PTPN4: variants seen among roughly 807,000 people sequenced by gnomAD.
PTPN4 encodes tyrosine-protein phosphatase non-receptor type 4.
Under a neutral mutation model 135.5 loss-of-function variants are expected in PTPN4, and 49 were observed. The ratio of observed to expected loss-of-function variants is 0.36; its 90% CI spans 0.29 to 0.46. The LOEUF is 0.46. Ranked by LOEUF, PTPN4 falls within the 20% of genes least tolerant of loss-of-function variation. The probability of loss-of-function intolerance (pLI) is 1.00; values close to 1 mark genes in which losing one functional copy is unlikely to be tolerated. For synonymous variants in PTPN4, 333 were observed against 369.9 expected, an observed-to-expected ratio of 0.90 and a Z score of 1.14; for missense variants, 860 against 1,101.0, an observed-to-expected ratio of 0.78 and a Z score of 3.10.
chr2:119,970,804 G>A (rs1393833036), intron 26 of PTPN4, among the ~76,000 whole-genome samples: 1 of 152,054 alleles, frequency 6.6e-6, no homozygotes, highest in Non-Finnish European at 1.5e-5. Flanking sequence ...ATTTATCTTG[G>A]GTATACCCAG....
intron 10 of PTPN4, among the ~76,000 whole-genome samples, chr2:119,905,049 A>AAAC (rs1553464400): frequency 2.1e-5 from 3 of 145,874 alleles, no homozygotes; most frequent in Admixed American, 6.8e-5. Flanking sequence ...AAAAAAAAAA[A>AAAC]CAAATAATCA....
rs750623632 is a variant in PTPN4 at position 119,984,722 on chromosome 2, G to T, written c.*7652G>T. Among the ~76,000 whole-genome samples, 7 of 152,200 alleles carry T rather than the reference G, an allele frequency of 4.6e-5. No individual in the cohort carries two copies. The highest frequency in any genetic ancestry group is 1.4e-4 in the African/African-American group (6 of 41,462). The stretch of plus-strand genomic sequence containing the variant: ...GCAAACAAGATAAAAATGCTGGTTT[G>T]CATTAATACTGTTTTAGTCTTAAGA... On this transcript the variant is annotated 3_prime_UTR_variant, in exon 27 of 27. Coordinates refer to ENST00000263708, the MANE Select transcript of PTPN4 (RefSeq NM_002830.4).
intron 26 of PTPN4, among the ~76,000 whole-genome samples, chr2:119,974,299 C>T (rs1357087170): frequency 3.3e-5 from 5 of 152,122 alleles, no homozygotes; most frequent in African/African-American, 1.2e-4. Context: ...GCAACCTCCG[C>T]CTCCCAGGTT....
intron 2 of PTPN4, among the ~76,000 whole-genome samples, chr2:119,846,669 T>G (rs1677503367): frequency 6.6e-6 from 1 of 152,064 alleles, no homozygotes; most frequent in Non-Finnish European, 1.5e-5. Flanking sequence ...TTTGCTTTTT[T>G]TGTTTCTCTT....
rs1679679335 is a variant in PTPN4 at position 119,980,694 on chromosome 2, A to T, written c.*3624A>T. 1 of 152,072 alleles carries T rather than the reference A, an allele frequency of 6.6e-6. No homozygotes were observed. Among genetic ancestry groups the T allele is most frequent in the Non-Finnish European group, 1.5e-5 (1 of 67,940 alleles). 9.4% of individuals were successfully genotyped at this position (152,072 alleles called of 1,614,324 possible). A position where few individuals can be genotyped will look rare whatever the true frequency, so the allele number is the denominator to read the frequency against. ...TTAATAACTATGACAACCTTAAAGG[A>T]TGTCACTTAAGTTAGAAAATAAGCA... is the stretch of plus-strand genomic sequence containing the variant. On this transcript the variant is annotated 3_prime_UTR_variant, in exon 27 of 27. Coordinates refer to ENST00000263708, the MANE Select transcript of PTPN4 (RefSeq NM_002830.4).
At chr2:119,964,233 G>A (rs1574424001) in intron 24 of PTPN4, among the ~76,000 whole-genome samples, 1 of 152,266 alleles carries the variant, frequency 6.6e-6, no homozygotes, top group South Asian at 2.1e-4. Flanking sequence ...AGTCTTTTTA[G>A]CATAAGACTG....
intron 1 of PTPN4, among the ~76,000 whole-genome samples, chr2:119,772,708 T>G (rs1423769659): frequency 2.0e-5 from 3 of 152,084 alleles, no homozygotes; most frequent in African/African-American, 7.2e-5. Context: ...CAGCTAATTT[T>G]TTATATTTTT....
rs576784818 is a variant in PTPN4, at chr2:119,954,104, C to T, written c.1814-1053C>T. On this transcript the variant is annotated intron_variant, in intron 19 of 26. Transcript: ENST00000263708. ...TATATTTTTGTTTTTCTGATCTTTT[C>T]TCCTTTAATTCTTATTTCTTCTTAG... 2.0e-5 allele frequency among the ~76,000 whole-genome samples: 3 copies of T among 152,238 alleles called. No homozygotes were observed. In the East Asian group the frequency reaches 5.8e-4, roughly 29 times the overall value.
At chr2:119,773,409 A>G (rs1690770353) in intron 1 of PTPN4, among the ~76,000 whole-genome samples, 1 of 152,136 alleles carries the variant, frequency 6.6e-6, no homozygotes, top group Non-Finnish European at 1.5e-5. Context: ...CAGATGAACT[A>G]TATAGCCTAA....
chr2:119,800,153 A>G (rs1229616625), intron 1 of PTPN4, among the ~76,000 whole-genome samples: 2 of 152,176 alleles, frequency 1.3e-5, no homozygotes, highest in Non-Finnish European at 2.9e-5. Context: ...TGCAATCATT[A>G]TTTTTAACAT....
chr2:119,892,705 CTT>C (rs924486946), intron 9 of PTPN4, among the ~76,000 whole-genome samples: 3 of 144,538 alleles, frequency 2.1e-5, no homozygotes, highest in East Asian at 2.0e-4. Context: ...ACTTTTAAGA[CTT>C]TTTTTTTTTT....
chr2:119,930,823 G>A (rs1378911224), intron 13 of PTPN4, among the ~76,000 whole-genome samples: 3 of 150,630 alleles, frequency 2.0e-5, no homozygotes, highest in Non-Finnish European at 3.0e-5. Flanking sequence ...GCCTTCCTTG[G>A]TAATTGTTTT....
intron 1 of PTPN4, among the ~76,000 whole-genome samples, chr2:119,784,384 AT>A (rs35755705): frequency 0.011 from 1,162 of 107,964 alleles, 5 homozygotes; most frequent in Non-Finnish European, 0.015. Flanking sequence ...TGCCCACCTA[AT>A]TTTTTTTTTT....
chr2:119,952,168 T>A, intron 19 of PTPN4, 39 bp downstream of exon 19: 1 of 1,546,084 alleles, frequency 6.5e-7, no homozygotes, highest in Non-Finnish European at 8.9e-7. Context: ...TTATAGTAAT[T>A]TATTACTGTT....
chr2:119,863,732 A>G (rs1429677703), intron 3 of PTPN4, among the ~76,000 whole-genome samples: 1 of 152,166 alleles, frequency 6.6e-6, no homozygotes, highest in Non-Finnish European at 1.5e-5. Context: ...ACACAAAGAA[A>G]AACAAACCAA....
At chr2:119,862,426 C>T (rs1677774138) in intron 2 of PTPN4, 110 bp from the exon 3 acceptor site, 3 of 913,826 alleles carry the variant, frequency 3.3e-6, no homozygotes, top group South Asian at 1.7e-5. Context: ...CGTTTGCTAC[C>T]TCTGGCATAA....
intron 1 of PTPN4, among the ~76,000 whole-genome samples, chr2:119,776,368 G>A (rs1690836873): frequency 6.6e-6 from 1 of 152,078 alleles, no homozygotes; most frequent in Non-Finnish European, 1.5e-5. Context: ...GTAGAGACGG[G>A]TTTCACCAAG....
At chr2:119,856,542 T>A (rs920425455) in intron 2 of PTPN4, among the ~76,000 whole-genome samples, 3 of 152,172 alleles carry the variant, frequency 2.0e-5, no homozygotes, top group Admixed American at 6.5e-5. Flanking sequence ...ACAAAGGGAA[T>A]CCTACGATGA....
chr2:119,788,765 A>G (rs1345296248), intron 1 of PTPN4, among the ~76,000 whole-genome samples: 1 of 152,164 alleles, frequency 6.6e-6, no homozygotes, highest in African/African-American at 2.4e-5. Flanking sequence ...TTGCCTACCT[A>G]TTTAAAGGCT....
Sources: gnomAD v4.1 joint callset for allele counts (sites outside exome capture counted in the v4.1 genomes callset) on GRCh38, gnomAD v4.1.1 for gene constraint, MANE v1.5 for transcripts, NCBI Gene and HGNC (gene_info 2026-07-23, HGNC 2026-07-21) for gene names.